PIP5K1B: variants seen among roughly 807,000 people sequenced by gnomAD.
PIP5K1B encodes phosphatidylinositol 4-phosphate 5-kinase type-1 beta.
PIP5K1B carries 42 observed loss-of-function variants against 67.0 expected under a neutral mutation model. The ratio of observed to expected loss-of-function variants is 0.63; its 90% confidence interval spans 0.49 to 0.81. The LOEUF (loss-of-function observed/expected upper bound fraction) is 0.81, where lower values mean the gene tolerates loss of function less well. Ranked by LOEUF, PIP5K1B falls within the 30% of genes least tolerant of loss-of-function variation. PIP5K1B has a pLI of 0.00. For synonymous variants in PIP5K1B, 214 were observed against 231.4 expected, an observed-to-expected ratio of 0.92 and a Z score of 0.68; for missense variants, 459 against 646.3, an observed-to-expected ratio of 0.71 and a Z score of 3.14.
intron 15 of PIP5K1B, among the ~76,000 whole-genome samples, chr9:69,006,378 A>G (rs1384241231): frequency 2.6e-5 from 4 of 152,016 alleles, no homozygotes; most frequent in Non-Finnish European, 5.9e-5. Flanking sequence ...CAGGATCCTT[A>G]ATGAAGAAAG....
chr9:68,991,572 T>C (rs1261922159), intron 15 of PIP5K1B, among the ~76,000 whole-genome samples: 1 of 152,212 alleles, frequency 6.6e-6, no homozygotes, highest in East Asian at 1.9e-4. Context: ...TCAGCCGTGC[T>C]CCCTGATGTT....
intron 15 of PIP5K1B, among the ~76,000 whole-genome samples, chr9:69,003,191 A>G (rs1830901188): frequency 6.6e-6 from 1 of 152,214 alleles, no homozygotes; most frequent in East Asian, 1.9e-4. Context: ...CGAGAGGAAC[A>G]TCAGACAAAA....
chr9:68,958,443 C>G (rs1264016226), intron 14 of PIP5K1B, among the ~76,000 whole-genome samples: 1 of 152,020 alleles, frequency 6.6e-6, no homozygotes, highest in African/African-American at 2.4e-5. Context: ...GATCATTTAC[C>G]CCTCAAACTA....
intron 14 of PIP5K1B, among the ~76,000 whole-genome samples, chr9:68,976,198 A>G (rs756348907): frequency 3.0e-4 from 46 of 152,256 alleles, no homozygotes; most frequent in Admixed American, 3.0e-3. Context: ...TGCTTAGGCC[A>G]GGAATTGTTT....
At chr9:68,997,823 T>C (rs1044926816) in intron 15 of PIP5K1B, among the ~76,000 whole-genome samples, 1 of 152,158 alleles carries the variant, frequency 6.6e-6, no homozygotes, top group African/African-American at 2.4e-5. Flanking sequence ...CCATAGGATT[T>C]TTTTAAAAAA....
chr9:68,752,262 C>G (rs1470637314), intron 2 of PIP5K1B, among the ~76,000 whole-genome samples: 3 of 152,136 alleles, frequency 2.0e-5, no homozygotes, highest in Admixed American at 2.0e-4. Context: ...TTGCTCATAA[C>G]TTTATAATGT....
intron 11 of PIP5K1B, among the ~76,000 whole-genome samples, chr9:68,922,737 T>C (rs992841494): frequency 1.8e-4 from 27 of 152,216 alleles, no homozygotes; most frequent in African/African-American, 6.3e-4. Context: ...TTCAACTCTA[T>C]GCAATCAGCA....
chr9:68,999,657 T>C lies in PIP5K1B; in HGVS notation c.1620+8400T>C, dbSNP rs537981631. ...CTCTGAGCATCCTGGAATTCTTGTATGCTAATGTAAGGGGGAACCGTGTGA... is the reference window on the plus strand; with the variant it reads ...CTCTGAGCATCCTGGAATTCTTGTACGCTAATGTAAGGGGGAACCGTGTGA... On this transcript the variant is annotated intron_variant, in intron 15 of 15. Transcript: ENST00000265382. 1.4e-3 allele frequency among the ~76,000 whole-genome samples: 208 copies of C among 152,172 alleles called. 1 individual carries two copies. The highest frequency in any genetic ancestry group is 4.7e-3 in the African/African-American group (194 of 41,418).
intron 1 of PIP5K1B, among the ~76,000 whole-genome samples, chr9:68,737,183 C>CT (rs1325851726): frequency 2.0e-5 from 3 of 152,144 alleles, no homozygotes; most frequent in Non-Finnish European, 4.4e-5. Flanking sequence ...ACCAGGTTTG[C>CT]TTTCTGTCAA....
intron 4 of PIP5K1B, among the ~76,000 whole-genome samples, chr9:68,846,470 T>G (rs963978330): frequency 6.6e-6 from 1 of 152,234 alleles, no homozygotes; most frequent in Non-Finnish European, 1.5e-5. Context: ...CATCCCTTCT[T>G]GATGTCATTC....
At chr9:68,757,542 G>A (rs958872523) in intron 2 of PIP5K1B, among the ~76,000 whole-genome samples, 3 of 152,098 alleles carry the variant, frequency 2.0e-5, no homozygotes, top group African/African-American at 7.2e-5. Context: ...GTCGGTAGTG[G>A]AGGATGCTTG....
intron 8 of PIP5K1B, among the ~76,000 whole-genome samples, chr9:68,901,745 C>T (rs1825365726): frequency 1.3e-5 from 2 of 152,148 alleles, no homozygotes; most frequent in African/African-American, 4.8e-5. Context: ...AAAGATTGTT[C>T]GAGTTGGAAG....
chr9:68,816,566 T>C (rs1833456848), intron 2 of PIP5K1B, among the ~76,000 whole-genome samples: 1 of 152,222 alleles, frequency 6.6e-6, no homozygotes, highest in Admixed American at 6.5e-5. Context: ...TTTTAAGCAA[T>C]ATGGCATTAG....
chr9:68,753,944 G>GCTAC (rs1284690117), intron 2 of PIP5K1B, among the ~76,000 whole-genome samples: 2 of 152,116 alleles, frequency 1.3e-5, no homozygotes, highest in East Asian at 3.9e-4. Context: ...ACAGGCGTGA[G>GCTAC]CTACCATGCC....
At chr9:68,776,518 C>G (rs1181216385) in intron 2 of PIP5K1B, among the ~76,000 whole-genome samples, 1 of 151,996 alleles carries the variant, frequency 6.6e-6, no homozygotes, top group Non-Finnish European at 1.5e-5. Flanking sequence ...CTCTCTTGCC[C>G]AGGCTGGTCA....
At chr9:68,916,504 A>T (rs543345354) in intron 8 of PIP5K1B, among the ~76,000 whole-genome samples, 2 of 152,192 alleles carry the variant, frequency 1.3e-5, no homozygotes, top group Non-Finnish European at 2.9e-5. Flanking sequence ...GGATAATTAA[A>T]CATGAAGTAC....
At chr9:68,838,830 G>A (rs1426515978) in intron 4 of PIP5K1B, among the ~76,000 whole-genome samples, 1 of 152,062 alleles carries the variant, frequency 6.6e-6, no homozygotes, top group Non-Finnish European at 1.5e-5. Context: ...GCTGACCATG[G>A]AAAGGCAATT....
intron 8 of PIP5K1B, among the ~76,000 whole-genome samples, chr9:68,906,712 C>G (rs1329313358): frequency 6.6e-6 from 1 of 152,180 alleles, no homozygotes; most frequent in Non-Finnish European, 1.5e-5. Context: ...CTTCATTTCT[C>G]CACACAAAGA....
chr9:68,813,553 A>G (rs1332066791), intron 2 of PIP5K1B, among the ~76,000 whole-genome samples: 1 of 152,216 alleles, frequency 6.6e-6, no homozygotes, highest in African/African-American at 2.4e-5. Flanking sequence ...TATGTTCCCT[A>G]GAAAGATATG....
Sources: gnomAD v4.1 joint callset for allele counts (sites outside exome capture counted in the v4.1 genomes callset) on GRCh38, gnomAD v4.1.1 for gene constraint, MANE v1.5 for transcripts, NCBI Gene and HGNC (gene_info 2026-07-23, HGNC 2026-07-21) for gene names.